Variants in ZNF169 observed in about 807,000 individuals in gnomAD.
ZNF169 encodes the protein zinc finger protein 169.
ZNF169 carries 11 observed loss-of-function variants against 12.0 expected under a neutral mutation model. The ratio of observed to expected loss-of-function variants is 0.92; its 90% CI spans 0.58 to 1.52. The LOEUF is 1.52. Ranked by LOEUF, ZNF169 falls within the 40% of genes most tolerant of loss-of-function variation. The pLI is 0.00. For synonymous variants in ZNF169, 302 were observed against 286.5 expected, an observed-to-expected ratio of 1.05 and a Z score of -0.55; for missense variants, 722 against 744.0, an observed-to-expected ratio of 0.97 and a Z score of 0.34.
chr9:94,292,638 T>C lies in ZNF169; in HGVS notation c.160+171T>C, dbSNP rs570250484. On this transcript the variant is annotated intron_variant, in intron 3 of 4. Transcript: ENST00000395395. ...GTGTGTGTGTGTGTGTGTGTGTGTG[T>C]GTGCGCGTGCACATGCTGTGAGCGT... 7.2e-3 allele frequency: 5,959 copies of C among 824,686 alleles called. 252 individuals carry two copies. In the African/African-American group the frequency reaches 0.092, roughly 13 times the overall value. The allele number at this position is 824,686 out of a possible 1,614,324, so 51.1% of individuals were successfully genotyped here.
intron 1 of ZNF169, among the ~76,000 whole-genome samples, chr9:94,273,710 G>C (rs1830469778): frequency 6.6e-6 from 1 of 151,484 alleles, no homozygotes; most frequent in African/African-American, 2.4e-5. Context: ...CTCCCGAGTA[G>C]CTGGGACTAC....
rs149863297 is a variant in ZNF169, at chr9:94,300,199, G to A, written c.641G>A (p.Arg214His). 2.6e-5 allele frequency: 42 copies of A among 1,614,070 alleles called. No homozygotes were observed. The highest frequency in any genetic ancestry group is 1.3e-4 in the South Asian group (12 of 91,094). Reference protein sequence around the residue: ...ADTSESGAVIRGNYRLGLSKK... With the variant: ...ADTSESGAVIHGNYRLGLSKK... ...ACTTCAGAATCTGGAGCAGTCATACGTGGAAACTATAGACTGGGACTTAGC... is the reference window on the plus strand; with the variant it reads ...ACTTCAGAATCTGGAGCAGTCATACATGGAAACTATAGACTGGGACTTAGC... The change falls in exon 5 of 5, where the codon CGT becomes CAT. Residue 214 changes from arginine (R) to histidine (H), a missense_variant. Physicochemically the swap from Arg to His is conservative, Grantham distance 29. Transcript: ENST00000395395.
chr9:94,299,870 G>A lies in ZNF169; in HGVS notation c.312G>A (p.Ser104=), dbSNP rs570567753. ...SFPHLVAFSS[S]QLLRQYALSG... is the part of the protein sequence containing the mutation. ...CCCACCTGGTGGCCTTTTCTAGCTC[G>A]CAGCTCCTCAGACAATATGCGCTAA... The change falls in exon 5 of 5, where the codon TCG becomes TCA. Residue 104 remains serine, a synonymous_variant. Coordinates refer to ENST00000395395, the MANE Select transcript of ZNF169 (RefSeq NM_194320.4). 58 of 1,614,028 alleles carry A rather than the reference G, an allele frequency of 3.6e-5. No individual in the cohort carries two copies. The highest frequency in any genetic ancestry group is 4.4e-5 in the South Asian group (4 of 91,064).
chr9:94,260,245 G>T (rs537227060), intron 1 of ZNF169, among the ~76,000 whole-genome samples: 4 of 152,322 alleles, frequency 2.6e-5, no homozygotes, highest in African/African-American at 9.6e-5. Context: ...TAGAGACGGG[G>T]TTTCACCATG....
At chr9:94,293,145 T>C in intron 4 of ZNF169, 76 bp downstream of exon 4, 1 of 1,317,828 alleles carries the variant, frequency 7.6e-7, no homozygotes, top group Non-Finnish European at 1.1e-6. Context: ...GGGGCTATCT[T>C]TGAGGTGCTA....
chr9:94,262,299 G>C (rs1325497189), intron 1 of ZNF169, among the ~76,000 whole-genome samples: 6 of 152,126 alleles, frequency 3.9e-5, no homozygotes, highest in Non-Finnish European at 7.4e-5. Context: ...GGAAAAGGAA[G>C]TTCATGGAGG....
chr9:94,263,997 T>C (rs984874292), intron 1 of ZNF169, among the ~76,000 whole-genome samples: 2 of 152,206 alleles, frequency 1.3e-5, no homozygotes, highest in Non-Finnish European at 2.9e-5. Flanking sequence ...AACAACTTCA[T>C]GTAAAATGAG....
chr9:94,281,973 C>G (rs1179730527), intron 2 of ZNF169, among the ~76,000 whole-genome samples: 1 of 151,968 alleles, frequency 6.6e-6, no homozygotes, highest in Non-Finnish European at 1.5e-5. Flanking sequence ...TTGATGATCT[C>G]CTGGATCTGG....
rs1243885894 is a variant in ZNF169 at position 94,300,520 on chromosome 9, A to T, written c.962A>T (p.Gln321Leu). The change falls in exon 5 of 5, where the codon CAG becomes CTG. Residue 321 changes from glutamine (Q) to leucine (L), a missense_variant. Coordinates refer to ENST00000395395, the MANE Select transcript of ZNF169 (RefSeq NM_194320.4). ...IHSGERPFVC[Q>L]ECGRGFRQKI... ...TCCGGGGAGAGGCCCTTTGTATGTC[A>T]GGAGTGTGGGCGAGGCTTTCGCCAG... is the stretch of plus-strand genomic sequence containing the variant. 1 of 1,613,982 alleles carries T rather than the reference A, an allele frequency of 6.2e-7. No homozygotes were observed. The highest frequency in any genetic ancestry group is 1.1e-5 in the South Asian group (1 of 91,072).
At chr9:94,284,555 G>A (rs1321688112) in intron 2 of ZNF169, among the ~76,000 whole-genome samples, 2 of 152,054 alleles carry the variant, frequency 1.3e-5, no homozygotes, top group African/African-American at 4.8e-5. Context: ...AACCAAAGTT[G>A]CAGGATACAA....
chr9:94,260,438 G>A (rs1830181642), intron 1 of ZNF169, among the ~76,000 whole-genome samples: 1 of 151,942 alleles, frequency 6.6e-6, no homozygotes, highest in South Asian at 2.1e-4. Context: ...CGGGTTTGTG[G>A]GGGAGGATTG....
At chr9:94,280,841 C>T (rs1329464593) in intron 2 of ZNF169, among the ~76,000 whole-genome samples, 2 of 152,086 alleles carry the variant, frequency 1.3e-5, no homozygotes, top group Admixed American at 6.6e-5. Flanking sequence ...CAGGATGATT[C>T]AGGCCAGAGC....
intron 2 of ZNF169, among the ~76,000 whole-genome samples, chr9:94,289,563 G>A (rs1830788508): frequency 6.6e-6 from 1 of 152,210 alleles, no homozygotes; most frequent in Non-Finnish European, 1.5e-5. Context: ...GCCGAGGCAG[G>A]TGGATCACCT....
intron 2 of ZNF169, chr9:94,288,251 A>G: frequency 1.2e-6 from 1 of 806,074 alleles, no homozygotes; most frequent in Non-Finnish European, 2.2e-6. Flanking sequence ...GAGAAGGACG[A>G]ATTGAAGGTC....
At chr9:94,298,610 G>A (rs1012512628) in intron 4 of ZNF169, among the ~76,000 whole-genome samples, 3 of 151,752 alleles carry the variant, frequency 2.0e-5, no homozygotes, top group Non-Finnish European at 2.9e-5. Flanking sequence ...GGTGGTGCAC[G>A]CCTGTAATCC....
intron 1 of ZNF169, among the ~76,000 whole-genome samples, chr9:94,266,675 C>A (rs1213372740): frequency 6.6e-6 from 1 of 152,004 alleles, no homozygotes. Flanking sequence ...ATTTTGGAGA[C>A]CTGTAGACAG....
At chr9:94,271,585 T>C (rs9696597) in intron 1 of ZNF169, among the ~76,000 whole-genome samples, 18,013 of 151,674 alleles carry the variant, frequency 0.12, 1,666 homozygotes, top group East Asian at 0.37. Flanking sequence ...CTGGGCGTGG[T>C]GGTGCACACC....
At chr9:94,265,280 C>T (rs1446363798) in intron 1 of ZNF169, among the ~76,000 whole-genome samples, 4 of 151,862 alleles carry the variant, frequency 2.6e-5, no homozygotes, top group African/African-American at 9.7e-5. Flanking sequence ...CATCACAAAA[C>T]TCAAAATTAC....
intron 1 of ZNF169, among the ~76,000 whole-genome samples, chr9:94,277,862 G>A (rs1036998359): frequency 6.6e-6 from 1 of 151,608 alleles, no homozygotes; most frequent in Admixed American, 6.6e-5. Context: ...AACCCGGGAG[G>A]CGGAGCTTGC....
Sources: gnomAD v4.1 joint callset for allele counts (sites outside exome capture counted in the v4.1 genomes callset) on GRCh38, gnomAD v4.1.1 for gene constraint, MANE v1.5 for transcripts, NCBI Gene and HGNC (gene_info 2026-07-23, HGNC 2026-07-21) for gene names.